Variants in LRIF1 observed in about 807,000 individuals in gnomAD.
LRIF1 encodes ligand-dependent nuclear receptor-interacting factor 1.
In LRIF1, 32 loss-of-function variants were observed where a neutral mutation model predicts 52.7. The ratio of observed to expected loss-of-function variants is 0.61; its 90% CI spans 0.46 to 0.82. LRIF1 has a LOEUF of 0.82. LRIF1 is among the 40% of genes least tolerant of loss of function. LRIF1 has a pLI of 0.00. For missense variants in LRIF1, 887 were observed against 892.0 expected, an observed-to-expected ratio of 0.99 and a Z score of 0.07; for synonymous variants, 323 against 317.4, an observed-to-expected ratio of 1.02 and a Z score of -0.19.
chr1:110,932,744 C>T, the LRIF1 span, among the ~76,000 whole-genome samples: 7 of 152,224 alleles, frequency 4.6e-5, no homozygotes, highest in South Asian at 1.5e-3. Flanking sequence ...TATGGAAATC[C>T]TATTTCTCCT....
chr1:110,946,854 G>A (rs543878251), downstream of LRIF1, among the ~76,000 whole-genome samples: 7 of 151,822 alleles, frequency 4.6e-5, no homozygotes, highest in South Asian at 8.3e-4. Context: ...ACAGGGTTTC[G>A]CCATGTTGGC....
At chr1:110,953,855 C>T (rs575250431) in intron 1 of LRIF1, among the ~76,000 whole-genome samples, 1 of 152,226 alleles carries the variant, frequency 6.6e-6, no homozygotes, top group African/African-American at 2.4e-5. Flanking sequence ...ATTTTCTGAC[C>T]ACTTTATCCT....
the LRIF1 span, among the ~76,000 whole-genome samples, chr1:110,914,263 T>G: frequency 6.6e-6 from 1 of 151,704 alleles, no homozygotes; most frequent in Non-Finnish European, 1.5e-5. Flanking sequence ...AACACACAAT[T>G]TACCCATGTA....
At chr1:110,953,210 T>G (rs2101112308) in intron 1 of LRIF1, among the ~76,000 whole-genome samples, 1 of 152,258 alleles carries the variant, frequency 6.6e-6, no homozygotes, top group African/African-American at 2.4e-5. Flanking sequence ...CCTCTCCCCT[T>G]ACTCTTATTC....
At chr1:110,950,617 C>G (rs997632403) in intron 2 of LRIF1, among the ~76,000 whole-genome samples, 2 of 151,666 alleles carry the variant, frequency 1.3e-5, no homozygotes, top group African/African-American at 2.4e-5. Flanking sequence ...CTAGTAAGCA[C>G]ACAGACAGAC....
chr1:110,920,246 G>T, the LRIF1 span, among the ~76,000 whole-genome samples: 1 of 152,158 alleles, frequency 6.6e-6, no homozygotes, highest in Non-Finnish European at 1.5e-5. Context: ...GCATATAGAT[G>T]TTTATAACAA....
chr1:110,934,810 C>A, the LRIF1 span, among the ~76,000 whole-genome samples: 2 of 152,150 alleles, frequency 1.3e-5, no homozygotes, highest in African/African-American at 4.8e-5. Context: ...CTGGCTTTGC[C>A]ACCTGCTGAT....
In LRIF1 at chr1:110,947,289, AAAGC is replaced by A. The variant is rs1301164505; in HGVS notation, c.*666_*669del. 3.3e-5 allele frequency: 5 copies of A among 152,214 alleles called. No homozygotes were observed. In the East Asian group the frequency reaches 5.8e-4, roughly 18 times the overall value. 9.4% of individuals were successfully genotyped at this position (152,214 alleles called of 1,614,324 possible). A position where few individuals can be genotyped will look rare whatever the true frequency, so the allele number is the denominator to read the frequency against. Reference sequence around the variant, plus strand: ...TATGTACATAGTCCCAAAAAAAAAAAAAGCAGCATTTGCCTGGGAACACATCACT... The same window carrying A: ...TATGTACATAGTCCCAAAAAAAAAAAAGCATTTGCCTGGGAACACATCACT... On this transcript the variant is annotated 3_prime_UTR_variant, in exon 4 of 4. Coordinates refer to ENST00000369763, the MANE Select transcript of LRIF1 (RefSeq NM_018372.4).
chr1:110,924,475 G>A, the LRIF1 span, among the ~76,000 whole-genome samples: 1 of 152,302 alleles, frequency 6.6e-6, no homozygotes, highest in Admixed American at 6.5e-5. Flanking sequence ...AGGCAGCAAG[G>A]TACCTTCTTC....
chr1:110,933,680 C>T, the LRIF1 span, among the ~76,000 whole-genome samples: 1 of 152,114 alleles, frequency 6.6e-6, no homozygotes, highest in Non-Finnish European at 1.5e-5. Context: ...TCCCAGAGGT[C>T]GAAACTTGAG....
chr1:110,949,227 C>G (rs1658351216), intron 3 of LRIF1, among the ~76,000 whole-genome samples: 1 of 151,842 alleles, frequency 6.6e-6, no homozygotes, highest in Non-Finnish European at 1.5e-5. Context: ...AAGCGATTCT[C>G]CTGCCCTCAG....
At chr1:110,904,631 G>C in the LRIF1 span, among the ~76,000 whole-genome samples, 4 of 152,128 alleles carry the variant, frequency 2.6e-5, no homozygotes, top group Non-Finnish European at 4.4e-5. Flanking sequence ...CAACACTCAA[G>C]TCCTTTTGAA....
chr1:110,937,579 C>T, the LRIF1 span: 4 of 151,834 alleles, frequency 2.6e-5, no homozygotes, highest in Non-Finnish European at 5.9e-5. Flanking sequence ...ACAACAAAGG[C>T]AGTACTAAGA....
At chr1:110,960,150 T>C (rs1658888476) in intron 1 of LRIF1, among the ~76,000 whole-genome samples, 1 of 152,130 alleles carries the variant, frequency 6.6e-6, no homozygotes, top group Non-Finnish European at 1.5e-5. Flanking sequence ...AAAATGGAGA[T>C]TTGGAAACAT....
rs1658528966 is a variant in LRIF1 at position 110,952,541 on chromosome 1, A to G, written c.343T>C (p.Ser115Pro). The G allele has an allele frequency of 6.2e-7, 1 of 1,613,998 alleles. No individual in the cohort carries two copies. Among genetic ancestry groups the G allele is most frequent in the South Asian group, 1.1e-5 (1 of 91,074 alleles). ...NYFLTRTVDT[S>P]EKGRVTSVGT... ...ACAGAAGTAACTCTACCTTTTTCTG[A>G]TGTATCTACTGTTCTTGTAAGAAAA... is the stretch of plus-strand genomic sequence containing the variant. Residue 115 changes from serine to proline, a missense_variant, in exon 2 of 4, where the codon TCA (serine) becomes CCA (proline). Ser to Pro is a moderately conservative substitution (Grantham distance 74). Coordinates refer to ENST00000369763, the MANE Select transcript of LRIF1 (RefSeq NM_018372.4).
the LRIF1 span, among the ~76,000 whole-genome samples, chr1:110,876,270 T>C: frequency 1.2e-4 from 19 of 152,342 alleles, no homozygotes; most frequent in Non-Finnish European, 2.5e-4. Context: ...TGATTCTCTA[T>C]GGCATGCTCT....
At chr1:110,963,336 T>G (rs1351631411) in intron 1 of LRIF1, 5 of 247,808 alleles carry the variant, frequency 2.0e-5, no homozygotes, top group Non-Finnish European at 3.2e-5. Context: ...GTCGGCCATC[T>G]TGGTTTTCAT....
At chr1:110,963,251 T>C (rs1659038738) in intron 1 of LRIF1, 1 of 163,786 alleles carries the variant, frequency 6.1e-6, no homozygotes, top group East Asian at 1.7e-4. Flanking sequence ...AGGGCTGCAC[T>C]TGCTAATCCG....
At chr1:110,890,757 A>G in the LRIF1 span, among the ~76,000 whole-genome samples, 14 of 152,274 alleles carry the variant, frequency 9.2e-5, no homozygotes, top group Non-Finnish European at 1.9e-4. Flanking sequence ...CCCATTGCAT[A>G]TTTGTTGGCT....
Sources: allele counts gnomAD v4.1 joint callset (sites outside exome capture counted in the v4.1 genomes callset), GRCh38; gene constraint gnomAD v4.1.1; transcripts MANE v1.5; gene names NCBI Gene and HGNC (gene_info 2026-07-23, HGNC 2026-07-21).